MTUS2: variants seen among roughly 807,000 people sequenced by gnomAD.
MTUS2 encodes microtubule-associated tumor suppressor candidate 2.
In MTUS2, 40 loss-of-function variants were observed where a neutral mutation model predicts 114.1. The observed-to-expected ratio is 0.35, with a 90% confidence interval of 0.27 to 0.46. The LOEUF (loss-of-function observed/expected upper bound fraction) is 0.46. Among genes scored for constraint, MTUS2 ranks in the 20% least tolerant of loss-of-function variants. The probability of loss-of-function intolerance (pLI) is 1.00; values close to 1 mark genes in which losing one functional copy is unlikely to be tolerated. For synonymous variants in MTUS2, 688 were observed against 672.0 expected (o/e 1.02, Z -0.37); for missense variants, 1,679 against 1,705.4 (o/e 0.98, Z 0.27).
At chr13:29,498,271 G>T (rs1195712749) in intron 13 of MTUS2, 147 bp from the exon 14 acceptor site, 7 of 1,150,132 alleles carry the variant, frequency 6.1e-6, no homozygotes, top group Non-Finnish European at 8.5e-6. Flanking sequence ...ATCAGGGAAG[G>T]CTGTGAGCAT....
At chr13:29,403,514 C>T (rs1874508730) in intron 8 of MTUS2, among the ~76,000 whole-genome samples, 1 of 152,178 alleles carries the variant, frequency 6.6e-6, no homozygotes, top group Non-Finnish European at 1.5e-5. Flanking sequence ...TTGAGATGAA[C>T]ATAGGATTTG....
At chr13:29,365,531 A>G (rs1244104836) in intron 8 of MTUS2, among the ~76,000 whole-genome samples, 4 of 14,140 alleles carry the variant, frequency 2.8e-4, no homozygotes, top group Non-Finnish European at 9.6e-4. Flanking sequence ...TGTGTGTGTA[A>G]TTAAATGTCA....
intron 2 of MTUS2, among the ~76,000 whole-genome samples, chr13:28,855,955 A>G (rs1043063343): frequency 1.3e-4 from 20 of 152,018 alleles, no homozygotes; most frequent in Admixed American, 9.8e-4. Context: ...GACTTTAATA[A>G]TCACCATTCT....
In MTUS2 at chr13:29,019,578, A is replaced by G. The variant is rs200212440; in HGVS notation, c.-242-4879A>G. On this transcript the variant is annotated intron_variant, in intron 2 of 15. Coordinates refer to ENST00000612955, the MANE Select transcript of MTUS2 (RefSeq NM_001033602.4). ...TTTTATGATCCCACCCATGGGTGCT[A>G]AAACCAGTTACAAATGTCTCGGATT... 2.6e-5 allele frequency among the ~76,000 whole-genome samples: 4 copies of G among 152,250 alleles called. No individual in the cohort carries two copies. The East Asian group carries it at 7.7e-4, about 29-fold the overall frequency.
At chr13:29,263,830 A>T (rs1034594550) in intron 5 of MTUS2, among the ~76,000 whole-genome samples, 1 of 152,278 alleles carries the variant, frequency 6.6e-6, no homozygotes, top group African/African-American at 2.4e-5. Flanking sequence ...AACACTGGGG[A>T]TTACATTTCA....
rs192966815 is a variant in MTUS2, at chr13:29,384,190, A to G, written c.3117+24717A>G. Reference sequence around the variant, plus strand: ...AAGGGGAAATATTACAGCCAAAAGAATAGTCTTCTATGGGAAGAAACTTTC... The same window carrying G: ...AAGGGGAAATATTACAGCCAAAAGAGTAGTCTTCTATGGGAAGAAACTTTC... On this transcript the variant is annotated intron_variant, in intron 8 of 15. Transcript: ENST00000612955. 4.4e-3 allele frequency among the ~76,000 whole-genome samples: 672 copies of G among 152,368 alleles called. 5 individuals carry two copies. The highest frequency in any genetic ancestry group is 0.016 in the African/African-American group (656 of 41,592).
At chr13:29,001,502 A>T (rs558120709) in intron 2 of MTUS2, among the ~76,000 whole-genome samples, 1 of 152,332 alleles carries the variant, frequency 6.6e-6, no homozygotes, top group South Asian at 2.1e-4. Context: ...TGGAAGGATG[A>T]GCTTGACATC....
chr13:29,292,666 G>T (rs57761909), intron 6 of MTUS2, among the ~76,000 whole-genome samples: 43,229 of 151,952 alleles, frequency 0.28, 6,709 homozygotes, highest in East Asian at 0.66. Flanking sequence ...TTTTATTGAA[G>T]ATTTATTTAA....
At chr13:29,390,012 CACAT>C (rs1873270806) in intron 8 of MTUS2, among the ~76,000 whole-genome samples, 1 of 21,422 alleles carries the variant, frequency 4.7e-5, no homozygotes, top group African/African-American at 1.4e-4. Flanking sequence ...TGTATATATA[CACAT>C]ACATGTATGT....
intron 2 of MTUS2, among the ~76,000 whole-genome samples, chr13:28,854,848 G>A (rs887154172): frequency 4.6e-5 from 7 of 152,132 alleles, no homozygotes; most frequent in East Asian, 1.9e-4. Flanking sequence ...CTTCCGTGGC[G>A]TGTCCAGTAG....
intron 1 of MTUS2, among the ~76,000 whole-genome samples, chr13:28,821,696 T>C (rs181676723): frequency 1.1e-3 from 165 of 152,376 alleles, no homozygotes; most frequent in African/African-American, 3.9e-3. Context: ...GCTTTCCTGG[T>C]GATTCTAACG....
chr13:29,306,846 T>G, intron 6 of MTUS2: 1 of 475,084 alleles, frequency 2.1e-6, no homozygotes, highest in Non-Finnish European at 4.2e-6. Flanking sequence ...GGGCTGCTTT[T>G]AACTCTGCTA....
intron 5 of MTUS2, among the ~76,000 whole-genome samples, chr13:29,252,795 C>A (rs952170090): frequency 6.6e-6 from 1 of 152,070 alleles, no homozygotes; most frequent in African/African-American, 2.4e-5. Flanking sequence ...AGGGGTTTCC[C>A]CTTTCACTTG....
At chr13:28,860,711 A>AC (rs1876922265) in intron 2 of MTUS2, among the ~76,000 whole-genome samples, 1 of 152,182 alleles carries the variant, frequency 6.6e-6, no homozygotes, top group African/African-American at 2.4e-5. Context: ...TATTGGAGGA[A>AC]CTAGGGCAAG....
At chr13:29,353,908 G>T (rs746439374) in intron 7 of MTUS2, among the ~76,000 whole-genome samples, 4 of 152,088 alleles carry the variant, frequency 2.6e-5, no homozygotes, top group Non-Finnish European at 5.9e-5. Context: ...CCACAGGCAG[G>T]TATGCACTGA....
At chr13:28,994,170 G>C (rs558956743) in intron 2 of MTUS2, among the ~76,000 whole-genome samples, 2,601 of 151,818 alleles carry the variant, frequency 0.017, 74 homozygotes, top group African/African-American at 0.059. Context: ...TTTGTCCTTG[G>C]GATAGTTTGC....
rs909594027 is a variant in MTUS2 at position 29,480,803 on chromosome 13, C to A, written c.3399+439C>A. 6.6e-6 allele frequency among the ~76,000 whole-genome samples: 1 copy of A among 152,152 alleles called. No individual in the cohort carries two copies. Among genetic ancestry groups the A allele is most frequent in the African/African-American group, 2.4e-5 (1 of 41,434 alleles). On this transcript the variant is annotated intron_variant, in intron 10 of 15. Coordinates refer to ENST00000612955, the MANE Select transcript of MTUS2 (RefSeq NM_001033602.4). The surrounding 1 kb of genome is among the most constrained non-coding windows in gnomAD (Gnocchi z 4.4). ...CTTTTCTACCTTATTTATCATCTTT[C>A]TATTCCATGAGGGCAGAGAGAATAA... is the stretch of plus-strand genomic sequence containing the variant.
chr13:29,339,641 GA>G, intron 7 of MTUS2: 1 of 166,634 alleles, frequency 6.0e-6, no homozygotes, highest in Non-Finnish European at 1.3e-5. Context: ...GTGAGCCTCA[GA>G]AAAGTCCGGC....
rs558051918 is a variant in MTUS2, at chr13:28,906,656, A to G, written c.-243+66806A>G. 2.0e-4 allele frequency among the ~76,000 whole-genome samples: 30 copies of G among 151,618 alleles called. No homozygotes were observed. The East Asian group carries it at 4.6e-3, about 23-fold the overall frequency. On this transcript the variant is annotated intron_variant, in intron 2 of 15. Transcript: ENST00000612955. ...AATTTCTGTTGTTTTACATTTGCTG[A>G]GGAGTGCTTTACTTCCAACTATGTG...
Sources: gnomAD v4.1 joint callset for allele counts (sites outside exome capture counted in the v4.1 genomes callset) on GRCh38, gnomAD v4.1.1 for gene constraint, Gnocchi (gnomAD v3.1) non-coding constraint, MANE v1.5 for transcripts, NCBI Gene and HGNC (gene_info 2026-07-23, HGNC 2026-07-21) for gene names.